NAGPA: variants seen among roughly 807,000 people sequenced by gnomAD.
NAGPA encodes N-acetylglucosamine-1-phosphodiester alpha-N-acetylglucosaminidase, also known as alpha-N-acetylglucosaminyl phosphodiesterase.
A neutral mutation model predicts 48.5 loss-of-function variants in NAGPA; 56 were observed. That is an observed-to-expected ratio of 1.15 (90% CI 0.93 to 1.44). NAGPA has a LOEUF of 1.44. Ranked by LOEUF, NAGPA falls within the 40% of genes most tolerant of loss-of-function variation. The pLI is 0.00. For synonymous variants in NAGPA, 399 were observed against 315.5 expected, an observed-to-expected ratio of 1.26 and a Z score of -2.81; for missense variants, 888 against 735.0, an observed-to-expected ratio of 1.21 and a Z score of -2.41.
At position 5,027,911 on chromosome 16, in the gene NAGPA, G is replaced by A. The variant is rs1244847531; in HGVS notation, c.1127-18C>T. The stretch of plus-strand genomic sequence containing the variant: ...GCAGCCGGCTGCCGAGACAAGACCG[G>A]GGAGGCCAGGTGAGGGCCTAGGGCA... On this transcript the variant is annotated intron_variant, in intron 6 of 9. Transcript: ENST00000312251. The A allele has an allele frequency of 6.2e-7, 1 of 1,609,148 alleles. No individual in the cohort carries two copies. The highest frequency in any genetic ancestry group is 8.5e-7 in the Non-Finnish European group (1 of 1,178,030).
At chr16:5,030,735 T>G (rs563542403) in intron 3 of NAGPA, 6 of 568,190 alleles carry the variant, frequency 1.1e-5, no homozygotes, top group Non-Finnish European at 1.9e-5. Flanking sequence ...TGGTTTCCCC[T>G]GTTCTTAGAA....
intron 7 of NAGPA, 74 bp downstream of exon 7, chr16:5,027,772 G>A (rs1956028064): frequency 1.9e-6 from 3 of 1,539,952 alleles, no homozygotes; most frequent in Non-Finnish European, 2.6e-6. Flanking sequence ...GGTGGAGACA[G>A]AAGCAGCAGA....
chr16:5,028,925 G>C lies in NAGPA; in HGVS notation c.875C>G (p.Thr292Ser), dbSNP rs1298021309. 1 of 1,614,104 alleles carries C rather than the reference G, an allele frequency of 6.2e-7. No individual in the cohort carries two copies. Among genetic ancestry groups the C allele is most frequent in the South Asian group, 1.1e-5 (1 of 91,090 alleles). The stretch of plus-strand genomic sequence containing the variant: ...GGCCAAGGTCCCGTTGAGCACAAAG[G>C]TGGCAGAGCCACCCCCATCCAGGTT... ...AINLDGGGSATFVLNGTLASY... is the reference protein window; with the variant it reads ...AINLDGGGSASFVLNGTLASY... The change falls in exon 5 of 10, where the codon ACC becomes AGC. Residue 292 changes from threonine to serine, a missense_variant. Physicochemically the swap from Thr to Ser is moderately conservative, Grantham distance 58 (BLOSUM62 1). Coordinates refer to ENST00000312251, the MANE Select transcript of NAGPA (RefSeq NM_016256.4).
chr16:5,026,843 T>A (rs1252920866), intron 9 of NAGPA, among the ~76,000 whole-genome samples: 1 of 152,194 alleles, frequency 6.6e-6, no homozygotes. Flanking sequence ...CTACAGCACT[T>A]CTGCCTGGGT....
chr16:5,027,955 C>G lies in NAGPA; in HGVS notation c.1126+25G>C, dbSNP rs559557768. ...TAGGGCAAGGCAGGGCTGGGCAGAG[C>G]CCCCTCCCCAGAACCCCCACTCACT... On this transcript the variant is annotated intron_variant, in intron 6 of 9. Transcript: ENST00000312251. 5.6e-6 allele frequency: 9 copies of G among 1,613,628 alleles called. No homozygotes were observed. In the Admixed American group the frequency reaches 6.7e-5, roughly 12 times the overall value.
chr16:5,028,794 T>C (rs1405034750), intron 5 of NAGPA, 86 bp downstream of exon 5: 1 of 1,604,612 alleles, frequency 6.2e-7, no homozygotes, highest in Non-Finnish European at 8.5e-7. Flanking sequence ...GCCTGGCACA[T>C]AGCAGGCACT....
chr16:5,033,242 C>T lies in NAGPA; in HGVS notation c.542+31G>A, dbSNP rs1310883692. 6.4e-7 allele frequency: 1 copy of T among 1,567,138 alleles called. No homozygotes were observed. The highest frequency in any genetic ancestry group is 1.2e-5 in the South Asian group (1 of 86,760). On this transcript the variant is annotated intron_variant, in intron 2 of 9. Transcript: ENST00000312251. The surrounding 1 kb of genome is among the most constrained non-coding windows in gnomAD (Gnocchi z 4.2). ...CAACCCAAATCTCAGGCCCTCTGCC[C>T]TCGACAGCACGGGGCTCCCTGCCTC...
At chr16:5,029,292 C>G in intron 4 of NAGPA, 1 of 460,560 alleles carries the variant, frequency 2.2e-6, no homozygotes, top group Non-Finnish European at 4.0e-6. Context: ...CACAGAGAGC[C>G]TTCTCTGGCT....
At position 5,025,325 on chromosome 16, in the gene NAGPA, G is replaced by A. The variant is rs892350006; in HGVS notation, c.*153C>T. 1.1e-6 allele frequency: 1 copy of A among 887,650 alleles called. No individual in the cohort carries two copies. The highest frequency in any genetic ancestry group is 1.6e-5 in the South Asian group (1 of 63,380). The allele number at this position is 887,650 out of a possible 1,614,324, so 55.0% of individuals were successfully genotyped here. A position where few individuals can be genotyped will look rare whatever the true frequency, so the allele number is the denominator to read the frequency against. On this transcript the variant is annotated 3_prime_UTR_variant, in exon 10 of 10. Transcript: ENST00000312251. ...GCCCTGGCAGGTGGCCAGGTGAGGG[G>A]CTGAGGCACAAGTGCTATCAGGAAC...
rs775391422 is a variant in NAGPA, at chr16:5,025,446, T to G, written c.*32A>C. The G allele has an allele frequency of 1.2e-6, 2 of 1,608,962 alleles. No individual in the cohort carries two copies. The highest frequency in any genetic ancestry group is 1.3e-5 in the African/African-American group (1 of 74,892). On this transcript the variant is annotated 3_prime_UTR_variant, in exon 10 of 10. Coordinates refer to ENST00000312251, the MANE Select transcript of NAGPA (RefSeq NM_016256.4). ...AGCCAGACCGTGGGGAAACAAGCTT[T>G]CGCGACGTGCCACCCCGGGCAGCTT... is the stretch of plus-strand genomic sequence containing the variant.
Position 5,027,851 on chromosome 16 carries a change from C to A in NAGPA, c.1169G>T (p.Ser390Ile). The change falls in exon 7 of 10, where the codon AGT becomes ATT. Residue 390 changes from serine (S) to isoleucine (I), a missense_variant. Coordinates refer to ENST00000312251, the MANE Select transcript of NAGPA (RefSeq NM_016256.4). ...CDAGWTGSNCSEECPLGWHGP... is the reference protein window; with the variant it reads ...CDAGWTGSNCIEECPLGWHGP... ...AGTGGCGTGGCAGCTCCTACCTTCA[C>A]TGCAGTTGGACCCGGTCCATCCGGC... is the stretch of plus-strand genomic sequence containing the variant. 6.4e-7 allele frequency: 1 copy of A among 1,561,326 alleles called. No homozygotes were observed. Among genetic ancestry groups the A allele is most frequent in the Non-Finnish European group, 8.7e-7 (1 of 1,152,682 alleles).
intron 3 of NAGPA, among the ~76,000 whole-genome samples, chr16:5,030,806 G>C (rs984295066): frequency 6.6e-6 from 1 of 152,056 alleles, no homozygotes; most frequent in African/African-American, 2.4e-5. Context: ...TCAGCTCCTG[G>C]GTGTCCCCTC....
In NAGPA at chr16:5,025,637, G is replaced by A; in HGVS notation, c.1389C>T (p.Ile463=). Residue 463 remains isoleucine (I), a synonymous_variant, in exon 10 of 10, where the codon ATC becomes ATT. Coordinates refer to ENST00000312251, the MANE Select transcript of NAGPA (RefSeq NM_016256.4). The stretch of plus-strand genomic sequence containing the variant: ...GCAAGGACAGGTTTGCTGCAGTGCT[G>A]ATCAGCAGGAGGAAGGCCAGCGCCA... The part of the protein sequence containing the change: ...LTLALAFLLL[I]STAANLSLLL... The A allele has an allele frequency of 6.2e-7, 1 of 1,613,708 alleles. No individual in the cohort carries two copies. The highest frequency in any genetic ancestry group is 8.5e-7 in the Non-Finnish European group (1 of 1,179,936).
In NAGPA at chr16:5,027,643, A is replaced by G. The variant is rs1260688279; in HGVS notation, c.1174+203T>C. 3.9e-5 allele frequency among the ~76,000 whole-genome samples: 6 copies of G among 152,170 alleles called. No homozygotes were observed. The East Asian group carries it at 7.8e-4, about 20-fold the overall frequency. Reference sequence around the variant, plus strand: ...TGGGCCCTGGAGCCAGAGCCCGGGGACCCTTGTTTTAGCCGAGCCCTTTGT... The same window carrying G: ...TGGGCCCTGGAGCCAGAGCCCGGGGGCCCTTGTTTTAGCCGAGCCCTTTGT... On this transcript the variant is annotated intron_variant, in intron 7 of 9. Transcript: ENST00000312251.
chr16:5,030,125 C>G, intron 4 of NAGPA: 5 of 570,892 alleles, frequency 8.8e-6, no homozygotes, highest in Non-Finnish European at 1.6e-5. Context: ...CTTCTCCCTG[C>G]TCACTTTGTG....
At chr16:5,028,708 C>G in intron 5 of NAGPA, 172 bp downstream of exon 5, 1 of 997,546 alleles carries the variant, frequency 1.0e-6, no homozygotes, top group Non-Finnish European at 1.6e-6. Context: ...ACCAACTGAC[C>G]CTGCTCCTAG....
rs1555445926 is a variant in NAGPA, at chr16:5,033,729, C to T, written c.87-1G>A. 1.2e-6 allele frequency: 2 copies of T among 1,603,544 alleles called. No homozygotes were observed. The highest frequency in any genetic ancestry group is 1.7e-6 in the Non-Finnish European group (2 of 1,177,120). ...TAGCAAGTCGTCGTCGCGGGAGGCCCTGCGGGGACGGGCGGCCGTGAGCTC... is the reference window on the plus strand; with the variant it reads ...TAGCAAGTCGTCGTCGCGGGAGGCCTTGCGGGGACGGGCGGCCGTGAGCTC... On this transcript the variant is annotated splice_acceptor_variant, in intron 1 of 9. Transcript: ENST00000312251. LOFTEE classifies it high-confidence loss of function. This position sits in a 1 kb window ranked among gnomAD's most constrained non-coding sequence, Gnocchi z 4.2.
At position 5,033,730 on chromosome 16, in the gene NAGPA, T is replaced by A; in HGVS notation, c.87-2A>T. ...AGCAAGTCGTCGTCGCGGGAGGCCC[T>A]GCGGGGACGGGCGGCCGTGAGCTCA... On this transcript the variant is annotated splice_acceptor_variant, in intron 1 of 9. Coordinates refer to ENST00000312251, the MANE Select transcript of NAGPA (RefSeq NM_016256.4). LOFTEE classifies it high-confidence loss of function. The surrounding 1 kb of genome is among the most constrained non-coding windows in gnomAD (Gnocchi z 4.2). 1 of 1,602,994 alleles carries A rather than the reference T, an allele frequency of 6.2e-7. No individual in the cohort carries two copies. Among genetic ancestry groups the A allele is most frequent in the Non-Finnish European group, 8.5e-7 (1 of 1,176,958 alleles).
chr16:5,032,678 CA>C lies in NAGPA; in HGVS notation c.542+594del, dbSNP rs796080811. ...TGGGCAACAGAGCAAGACTCTGTCT[CA>C]AAAAAAAAAAAATCATCAGTCTTGA... On this transcript the variant is annotated intron_variant, in intron 2 of 9. Coordinates refer to ENST00000312251, the MANE Select transcript of NAGPA (RefSeq NM_016256.4). Among the ~76,000 whole-genome samples, 1,351 of 143,032 alleles carry C rather than the reference CA, an allele frequency of 9.4e-3. 17 individuals carry two copies. The highest frequency in any genetic ancestry group is 0.03 in the African/African-American group (1,179 of 39,196). The allele number at this position is 143,032 out of a possible 152,430, so 93.8% of individuals were successfully genotyped here.
Sources: gnomAD v4.1 joint callset for allele counts (sites outside exome capture counted in the v4.1 genomes callset) on GRCh38, gnomAD v4.1.1 for gene constraint, Gnocchi (gnomAD v3.1) non-coding constraint, MANE v1.5 for transcripts, NCBI Gene and HGNC (gene_info 2026-07-23, HGNC 2026-07-21) for gene names.